The following SAMD5 variants were observed in gnomAD, a reference collection of about 807,000 sequenced individuals.
The protein encoded by SAMD5 is sterile alpha motif domain-containing protein 5.
In SAMD5, 13 loss-of-function variants were observed where a neutral mutation model predicts 11.3. The observed-to-expected ratio is 1.15, with a 90% CI of 0.75 to 1.83. The LOEUF is 1.83. SAMD5 is among the 40% of genes most tolerant of loss of function. The pLI, the probability that SAMD5 is intolerant of heterozygous loss-of-function variation, is 0.00. For synonymous variants in SAMD5, 129 were observed against 111.3 expected, an observed-to-expected ratio of 1.16 and a Z score of -1.00; for missense variants, 255 against 239.1, an observed-to-expected ratio of 1.07 and a Z score of -0.44.
At position 147,564,705 on chromosome 6, in the gene SAMD5, A is replaced by G. The variant is rs1583085550; in HGVS notation, c.*249A>G. 1 of 1,211,900 alleles carries G rather than the reference A, an allele frequency of 8.3e-7. No homozygotes were observed. Among genetic ancestry groups the G allele is most frequent in the East Asian group, 4.5e-5 (1 of 22,332 alleles). The allele number at this position is 1,211,900 out of a possible 1,614,324, so 75.1% of individuals were successfully genotyped here. A position where few individuals can be genotyped will look rare whatever the true frequency, so the allele number is the denominator to read the frequency against. On this transcript the variant is annotated 3_prime_UTR_variant, in exon 2 of 2. Transcript: ENST00000367474. ...ATTGAGTTCATTTTTTTAAGAAGAT[A>G]TCATGATGAGATACAGTCTTATGCA...
chr6:147,712,078 T>A (rs1791408540), intron 1 of SAMD5, among the ~76,000 whole-genome samples: 2 of 152,222 alleles, frequency 1.3e-5, no homozygotes, highest in Admixed American at 6.5e-5. Context: ...TAAGAATTTT[T>A]AAAAATAATA....
chr6:147,750,202 C>T, the SAMD5 span, among the ~76,000 whole-genome samples: 1 of 152,166 alleles, frequency 6.6e-6, no homozygotes, highest in Non-Finnish European at 1.5e-5. Flanking sequence ...TAAGCAAAAC[C>T]ATCGCTTGAC....
At chr6:147,775,201 A>T in the SAMD5 span, among the ~76,000 whole-genome samples, 1 of 140,364 alleles carries the variant, frequency 7.1e-6, no homozygotes, top group Non-Finnish European at 1.6e-5. Flanking sequence ...TGTAGATCAC[A>T]GACTGGAGTC....
At chr6:147,607,095 C>A (rs1789714470) in intron 1 of SAMD5, among the ~76,000 whole-genome samples, 1 of 152,078 alleles carries the variant, frequency 6.6e-6, no homozygotes, top group African/African-American at 2.4e-5. Flanking sequence ...TTATAGTCAT[C>A]TGATGAGCCT....
intron 1 of SAMD5, among the ~76,000 whole-genome samples, chr6:147,623,227 C>T (rs1441144372): frequency 6.6e-6 from 1 of 152,196 alleles, no homozygotes; most frequent in Admixed American, 6.5e-5. Context: ...AAGAGGGGTC[C>T]TCATGAGCCT....
At chr6:147,713,674 T>A (rs1193485506) in intron 1 of SAMD5, among the ~76,000 whole-genome samples, 2 of 152,122 alleles carry the variant, frequency 1.3e-5, no homozygotes, top group African/African-American at 2.4e-5. Flanking sequence ...GATATAATAT[T>A]TGGTGGCTTG....
the SAMD5 span, among the ~76,000 whole-genome samples, chr6:147,870,474 G>GTATATA: frequency 6.5e-5 from 9 of 137,498 alleles, no homozygotes; most frequent in South Asian, 2.3e-4. Flanking sequence ...GTGTGTGTGT[G>GTATATA]TGTGTGTGTA....
the SAMD5 span, among the ~76,000 whole-genome samples, chr6:147,850,301 A>T: frequency 2.6e-5 from 4 of 152,166 alleles, no homozygotes; most frequent in African/African-American, 9.7e-5. Flanking sequence ...TAAAAAAAAC[A>T]CTATGATAAA....
chr6:147,890,265 G>A, the SAMD5 span, among the ~76,000 whole-genome samples: 1 of 151,022 alleles, frequency 6.6e-6, no homozygotes, highest in Non-Finnish European at 1.5e-5. Context: ...CAAATTCACA[G>A]AAGAAGAAAT....
At chr6:147,718,690 G>A (rs199796194) in intron 1 of SAMD5, among the ~76,000 whole-genome samples, 2,420 of 151,506 alleles carry the variant, frequency 0.016, 75 homozygotes, top group African/African-American at 0.056. Flanking sequence ...GCTCTTTCTC[G>A]TTTTTTTTCT....
intron 1 of SAMD5, among the ~76,000 whole-genome samples, chr6:147,736,851 A>C (rs1159676395): frequency 6.6e-6 from 1 of 152,152 alleles, no homozygotes; most frequent in Non-Finnish European, 1.5e-5. Flanking sequence ...TGCAAATTTT[A>C]ATCTGGGGCA....
rs139554961 is a variant in SAMD5 at position 147,566,214 on chromosome 6, C to T, written c.*1758C>T. On this transcript the variant is annotated 3_prime_UTR_variant, in exon 2 of 2. Coordinates refer to ENST00000367474, the MANE Select transcript of SAMD5 (RefSeq NM_001030060.3). ...ATGTAAGGAAGTTAAATTTTAAAAG[C>T]ATGTATAGGTTGTCCTTAAATTATA... is the stretch of plus-strand genomic sequence containing the variant. 1.2e-4 allele frequency: 120 copies of T among 975,890 alleles called. No homozygotes were observed. The African/African-American group carries it at 2.0e-3, about 16-fold the overall frequency. The allele number at this position is 975,890 out of a possible 1,614,324, so 60.5% of individuals were successfully genotyped here. A position where few individuals can be genotyped will look rare whatever the true frequency, so the allele number is the denominator to read the frequency against.
chr6:147,933,442 G>A, the SAMD5 span, among the ~76,000 whole-genome samples: 3 of 152,168 alleles, frequency 2.0e-5, no homozygotes, highest in African/African-American at 4.8e-5. Context: ...TCTTCTAAAT[G>A]TTTGCTGACA....
At position 147,636,166 on chromosome 6, in the gene SAMD5, T is replaced by C. The variant is rs368727428; in HGVS notation, c.163-101151T>C. 1.8e-4 allele frequency among the ~76,000 whole-genome samples: 28 copies of C among 152,266 alleles called. No homozygotes were observed. In the South Asian group the frequency reaches 5.6e-3, roughly 30 times the overall value. On this transcript the variant is annotated intron_variant, in intron 1 of 1. Transcript: ENST00000566741. ...GTCTATACATTATTAGAAGACACGA[T>C]AAAATCTGGTAAGTGCCCTAGCAGG...
chr6:147,840,180 A>G, the SAMD5 span, among the ~76,000 whole-genome samples: 1 of 152,244 alleles, frequency 6.6e-6, no homozygotes, highest in East Asian at 1.9e-4. Context: ...TTTTTTGCTC[A>G]CATTTACATT....
the SAMD5 span, among the ~76,000 whole-genome samples, chr6:147,926,303 G>A: frequency 3.3e-5 from 5 of 152,090 alleles, no homozygotes; most frequent in Non-Finnish European, 7.4e-5. Flanking sequence ...CACTCCTGTT[G>A]ACGGTGTATA....
the SAMD5 span, among the ~76,000 whole-genome samples, chr6:147,766,133 G>A: frequency 6.6e-6 from 1 of 150,674 alleles, no homozygotes; most frequent in Non-Finnish European, 1.5e-5. Flanking sequence ...AAAGAATTGG[G>A]ACATAAATAA....
In SAMD5 at chr6:147,564,715, G is replaced by T; in HGVS notation, c.*259G>T. 1 of 1,176,492 alleles carries T rather than the reference G, an allele frequency of 8.5e-7. No individual in the cohort carries two copies. Among genetic ancestry groups the T allele is most frequent in the Non-Finnish European group, 1.1e-6 (1 of 948,130 alleles). The allele number at this position is 1,176,492 out of a possible 1,614,324, so 72.9% of individuals were successfully genotyped here. A position where few individuals can be genotyped will look rare whatever the true frequency, so the allele number is the denominator to read the frequency against. ...TTTTTTTAAGAAGATATCATGATGA[G>T]ATACAGTCTTATGCATTTCTTGGCA... On this transcript the variant is annotated 3_prime_UTR_variant, in exon 2 of 2. Coordinates refer to ENST00000367474, the MANE Select transcript of SAMD5 (RefSeq NM_001030060.3).
Position 147,508,788 on chromosome 6 carries a change from C to T in SAMD5, c.-141C>T. On this transcript the variant is annotated 5_prime_UTR_variant, in exon 1 of 2. Transcript: ENST00000367474. ...TTCTGATGGTTTTCCGTCTCCTGCC[C>T]GAGCCTTTCCTTTAAAAGGAAAACT... 7.6e-7 allele frequency: 1 copy of T among 1,311,004 alleles called. No individual in the cohort carries two copies. Among genetic ancestry groups the T allele is most frequent in the Non-Finnish European group, 1.0e-6 (1 of 993,348 alleles). 81.2% of individuals were successfully genotyped at this position (1,311,004 alleles called of 1,614,324 possible). A position where few individuals can be genotyped will look rare whatever the true frequency, so the allele number is the denominator to read the frequency against.
Sources: allele counts gnomAD v4.1 joint callset (sites outside exome capture counted in the v4.1 genomes callset), GRCh38; gene constraint gnomAD v4.1.1; transcripts MANE v1.5; gene names NCBI Gene and HGNC (gene_info 2026-07-23, HGNC 2026-07-21).